The following ANK2 variants were observed in gnomAD, a reference collection of about 807,000 sequenced individuals.
The protein encoded by ANK2 is ankyrin-2.
Under a neutral mutation model 360.5 loss-of-function variants are expected in ANK2, and 83 were observed. The ratio of observed to expected loss-of-function variants is 0.23; its 90% confidence interval spans 0.19 to 0.28. The LOEUF is 0.28. Ranked by LOEUF, ANK2 falls within the 10% of genes least tolerant of loss-of-function variation. ANK2 has a pLI of 1.00. For synonymous variants in ANK2, 1,740 were observed against 1,759.5 expected (o/e 0.99, Z 0.28); for missense variants, 4,201 against 4,795.7 (o/e 0.88, Z 3.66).
At chr4:113,045,923 T>G (rs1472937114), upstream of ANK2, among the ~76,000 whole-genome samples, 1 of 152,236 alleles carries the variant, frequency 6.6e-6, no homozygotes, top group African/African-American at 2.4e-5. Flanking sequence ...GTTTCTTTAC[T>G]GTATTTAAAA....
Position 113,311,328 on chromosome 4 carries a change from A to C in ANK2, c.2622A>C (p.Ser874=), listed in dbSNP as rs764486532. 6.2e-7 allele frequency: 1 copy of C among 1,614,032 alleles called. No individual in the cohort carries two copies. Among genetic ancestry groups the C allele is most frequent in the African/African-American group, 1.3e-5 (1 of 74,920 alleles). The change falls in exon 24 of 46, where the codon TCA becomes TCC. Residue 874 remains serine, a synonymous_variant. Coordinates refer to ENST00000357077, the MANE Select transcript of ANK2 (RefSeq NM_001148.6). ...PEDLKELGDD[S]LPSSQFLDGM... ...ACCTAAAAGAACTGGGTGATGACTC[A>C]CTACCCAGCAGTCAGTTCCTGGATG...
rs145040412 is a variant in ANK2, at chr4:113,345,584, G to A, written c.4249-316G>A. Among the ~76,000 whole-genome samples, 368 of 152,196 alleles carry A rather than the reference G, an allele frequency of 2.4e-3. 3 individuals carry two copies. The highest frequency in any genetic ancestry group is 8.5e-3 in the African/African-American group (351 of 41,502). On this transcript the variant is annotated intron_variant, in intron 34 of 45. Transcript: ENST00000357077. ...CTCAAGTGTTCTCACCACAAAAAAGGGGGATGAGGTGATTGATATGTTAAT... is the reference window on the plus strand; with the variant it reads ...CTCAAGTGTTCTCACCACAAAAAAGAGGGATGAGGTGATTGATATGTTAAT...
chr4:113,274,749 G>A, intron 15 of ANK2, 100 bp downstream of exon 15: 1 of 1,273,520 alleles, frequency 7.9e-7, no homozygotes, highest in Non-Finnish European at 1.1e-6. Context: ...GATCTCCTCA[G>A]GCCTTGACTT....
intron 2 of ANK2, among the ~76,000 whole-genome samples, chr4:112,949,078 A>G (rs560104106): frequency 6.6e-6 from 1 of 152,022 alleles, no homozygotes; most frequent in South Asian, 2.1e-4. Flanking sequence ...CCAGCCATTT[A>G]CTGTTGGGGT....
intron 2 of ANK2, among the ~76,000 whole-genome samples, chr4:112,946,115 A>G (rs9996317): frequency 0.44 from 66,194 of 151,998 alleles, 18,615 homozygotes; most frequent in African/African-American, 0.78. Flanking sequence ...GGTTCCAGAA[A>G]CTCAGTTGCC....
intron 23 of ANK2, 22 bp from the exon 24 acceptor site, chr4:113,311,233 T>A (rs45556433): frequency 2.4e-5 from 39 of 1,613,958 alleles, no homozygotes; most frequent in Non-Finnish European, 3.1e-5. Context: ...ATAATCCTGC[T>A]TCTTCCTCTG....
intron 4 of ANK2, among the ~76,000 whole-genome samples, chr4:113,213,097 TTAGA>T (rs1390199075): frequency 6.6e-6 from 1 of 152,230 alleles, no homozygotes. Context: ...GATTCTCATC[TTAGA>T]TAGTCTGGAT....
At chr4:112,761,426 C>T in the ANK2 span, among the ~76,000 whole-genome samples, 7 of 152,174 alleles carry the variant, frequency 4.6e-5, no homozygotes, top group Non-Finnish European at 7.4e-5. Flanking sequence ...CGAGACCATC[C>T]TGGCTAACAC....
At chr4:113,280,652 C>T (rs1272413871) in intron 17 of ANK2, among the ~76,000 whole-genome samples, 2 of 152,190 alleles carry the variant, frequency 1.3e-5, no homozygotes, top group Non-Finnish European at 2.9e-5. Context: ...AGTCCAGAAC[C>T]TTCTCTTAGT....
intron 4 of ANK2, among the ~76,000 whole-genome samples, chr4:113,231,788 G>A (rs62313212): frequency 0.023 from 3,495 of 152,054 alleles, 57 homozygotes; most frequent in Non-Finnish European, 0.032. Flanking sequence ...ATTTTTAGTA[G>A]AGATGCGGTT....
At chr4:112,756,476 G>C in the ANK2 span, among the ~76,000 whole-genome samples, 16 of 152,176 alleles carry the variant, frequency 1.1e-4, no homozygotes, top group South Asian at 2.1e-4. Flanking sequence ...CAATTTATTA[G>C]TGGTGGGATT....
At chr4:112,875,614 G>C (rs775187338) in intron 1 of ANK2, among the ~76,000 whole-genome samples, 14 of 152,124 alleles carry the variant, frequency 9.2e-5, no homozygotes, top group African/African-American at 3.4e-4. Flanking sequence ...GGGATTACAA[G>C]TGTGAGCCAC....
chr4:112,972,861 C>A (rs776952335), intron 2 of ANK2, among the ~76,000 whole-genome samples: 2 of 152,056 alleles, frequency 1.3e-5, no homozygotes, highest in Non-Finnish European at 2.9e-5. Flanking sequence ...GAAACAATGT[C>A]TTTTGCAGCA....
chr4:113,180,894 G>A (rs1041374631), intron 2 of ANK2, among the ~76,000 whole-genome samples: 1 of 152,140 alleles, frequency 6.6e-6, no homozygotes, highest in Non-Finnish European at 1.5e-5. Context: ...TTTCCATCTG[G>A]TTCTGGTTAT....
At chr4:113,342,397 G>A (rs2094398741) in intron 33 of ANK2, among the ~76,000 whole-genome samples, 1 of 152,022 alleles carries the variant, frequency 6.6e-6, no homozygotes, top group Non-Finnish European at 1.5e-5. Context: ...GACTCATTGT[G>A]ATGTCAAAAG....
intron 2 of ANK2, among the ~76,000 whole-genome samples, chr4:113,176,876 C>T (rs898259875): frequency 9.9e-5 from 15 of 152,128 alleles, no homozygotes; most frequent in African/African-American, 1.7e-4. Context: ...TGAGAACATG[C>T]GGTGTTTGGT....
chr4:113,219,263 C>G (rs2099122113), intron 4 of ANK2, among the ~76,000 whole-genome samples: 1 of 151,994 alleles, frequency 6.6e-6, no homozygotes, highest in Admixed American at 6.6e-5. Flanking sequence ...TTTCAATATT[C>G]AAATATTTAT....
At chr4:113,061,965 C>A (rs578152904) in intron 1 of ANK2, among the ~76,000 whole-genome samples, 8 of 151,806 alleles carry the variant, frequency 5.3e-5, no homozygotes, top group African/African-American at 1.7e-4. Context: ...CTTATGTAAC[C>A]CATAAACATA....
intron 2 of ANK2, among the ~76,000 whole-genome samples, chr4:112,915,437 G>A (rs557078359): frequency 5.3e-4 from 81 of 152,232 alleles, no homozygotes; most frequent in African/African-American, 1.8e-3. Context: ...TTAAAGACTG[G>A]TAGCAAGATA....
Sources: allele counts gnomAD v4.1 joint callset (sites outside exome capture counted in the v4.1 genomes callset), GRCh38; gene constraint gnomAD v4.1.1; transcripts MANE v1.5; gene names NCBI Gene and HGNC (gene_info 2026-07-23, HGNC 2026-07-21).